THRB: variants seen among roughly 807,000 people sequenced by gnomAD.
THRB encodes nuclear receptor subfamily 1 group A member 2.
THRB carries 12 observed loss-of-function variants against 47.8 expected under a neutral mutation model. The observed-to-expected ratio is 0.25, with a 90% CI of 0.16 to 0.41. The LOEUF is 0.41. THRB is among the 10% of genes least tolerant of loss of function. The pLI, the probability that THRB is intolerant of heterozygous loss-of-function variation, is 1.00. For missense variants in THRB, 348 were observed against 589.2 expected, an observed-to-expected ratio of 0.59 and a Z score of 4.24; for synonymous variants, 218 against 212.2, an observed-to-expected ratio of 1.03 and a Z score of -0.24.
In THRB at chr3:24,272,459, A is replaced by G. The variant is rs1576450607; in HGVS notation, c.-43+24767T>C. ...ACCAAATAAAATTTCCCTATATACC[A>G]TGTTTGTTAAGTGCCTGCAGGATTT... On this transcript the variant is annotated intron_variant, in intron 3 of 10. Coordinates refer to ENST00000646209, the MANE Select transcript of THRB (RefSeq NM_001354712.2). Among the ~76,000 whole-genome samples, 3 of 152,114 alleles carry G rather than the reference A, an allele frequency of 2.0e-5. No homozygotes were observed. The South Asian group carries it at 6.2e-4, about 32-fold the overall frequency.
chr3:24,321,488 C>A (rs1400726510), intron 2 of THRB, among the ~76,000 whole-genome samples: 1 of 151,764 alleles, frequency 6.6e-6, no homozygotes, highest in Non-Finnish European at 1.5e-5. Flanking sequence ...TTATGTAAAT[C>A]CAAAAGGTCA....
intron 6 of THRB, among the ~76,000 whole-genome samples, chr3:24,151,373 T>C (rs2036912907): frequency 6.6e-6 from 1 of 152,082 alleles, no homozygotes; most frequent in Admixed American, 6.6e-5. Context: ...AGCGGGGCAG[T>C]TGGAGAAGCG....
At chr3:24,419,926 G>A (rs1421739472) in intron 1 of THRB, among the ~76,000 whole-genome samples, 1 of 151,744 alleles carries the variant, frequency 6.6e-6, no homozygotes, top group Admixed American at 6.6e-5. Context: ...CAGTCTGGAG[G>A]GGTTAAAAGA....
At chr3:24,361,952 AAG>A (rs1560020796) in intron 1 of THRB, among the ~76,000 whole-genome samples, 1 of 152,150 alleles carries the variant, frequency 6.6e-6, no homozygotes, top group African/African-American at 2.4e-5. Context: ...GCAAGAATAA[AAG>A]AGAGTCAGTA....
At chr3:24,376,274 G>C (rs2065278804) in intron 1 of THRB, among the ~76,000 whole-genome samples, 1 of 152,204 alleles carries the variant, frequency 6.6e-6, no homozygotes, top group Non-Finnish European at 1.5e-5. Context: ...AGACACAGGA[G>C]ATAAGCTTTA....
At chr3:24,301,702 G>C (rs1337841505) in intron 2 of THRB, among the ~76,000 whole-genome samples, 1 of 152,132 alleles carries the variant, frequency 6.6e-6, no homozygotes, top group Non-Finnish European at 1.5e-5. Flanking sequence ...TCCCCAAAAA[G>C]TCCATGACTT....
chr3:24,157,626 C>A (rs2038064073), intron 5 of THRB, among the ~76,000 whole-genome samples: 1 of 152,042 alleles, frequency 6.6e-6, no homozygotes, highest in African/African-American at 2.4e-5. Context: ...AACTCCTGGG[C>A]CCAAGCAGTC....
chr3:24,476,810 T>TAAA (rs1695518516), intron 1 of THRB, among the ~76,000 whole-genome samples: 5 of 152,132 alleles, frequency 3.3e-5, no homozygotes, highest in Admixed American at 6.5e-5. Context: ...AAATTAAAAT[T>TAAA]CTTATTGTTA....
At chr3:24,452,700 T>C (rs1377698473) in intron 1 of THRB, among the ~76,000 whole-genome samples, 1 of 152,064 alleles carries the variant, frequency 6.6e-6, no homozygotes, top group African/African-American at 2.4e-5. Context: ...AACCCACCTG[T>C]AACTATTTAT....
At chr3:24,333,973 C>G (rs1378086125) in intron 2 of THRB, among the ~76,000 whole-genome samples, 1 of 152,208 alleles carries the variant, frequency 6.6e-6, no homozygotes, top group African/African-American at 2.4e-5. Context: ...ATCCCAGTCC[C>G]ATTTCGCTCA....
intron 4 of THRB, among the ~76,000 whole-genome samples, chr3:24,218,267 CA>C (rs538654913): frequency 1.7e-5 from 2 of 120,430 alleles, no homozygotes; most frequent in South Asian, 2.8e-4. Flanking sequence ...GACTCTGTCT[CA>C]AAAAAAAACA....
intron 10 of THRB, among the ~76,000 whole-genome samples, chr3:24,124,728 A>G (rs1431674826): frequency 6.6e-6 from 1 of 152,212 alleles, no homozygotes; most frequent in Non-Finnish European, 1.5e-5. Flanking sequence ...GGCTCTTGGA[A>G]AAGTCTTTGA....
At chr3:24,274,361 T>C (rs2053678403) in intron 3 of THRB, among the ~76,000 whole-genome samples, 1 of 152,154 alleles carries the variant, frequency 6.6e-6, no homozygotes, top group Non-Finnish European at 1.5e-5. Context: ...AAATAAGCAA[T>C]TAGGGTTACC....
intron 4 of THRB, among the ~76,000 whole-genome samples, chr3:24,208,399 T>C (rs2045638857): frequency 1.3e-5 from 2 of 152,212 alleles, no homozygotes; most frequent in African/African-American, 4.8e-5. Context: ...AAGACAATCC[T>C]AAGCCAAAAG....
intron 1 of THRB, among the ~76,000 whole-genome samples, chr3:24,427,287 T>C (rs1470443249): frequency 1.3e-5 from 2 of 151,982 alleles, no homozygotes; most frequent in African/African-American, 4.8e-5. Context: ...CACAATCTGG[T>C]TCTAAGCAAA....
intron 1 of THRB, chr3:24,483,836 A>G (rs1696844170): frequency 6.6e-6 from 1 of 152,288 alleles, no homozygotes; most frequent in Admixed American, 6.5e-5. Context: ...GTACAGACAC[A>G]TTGCTGAAAA....
At chr3:24,304,625 T>C (rs185818018) in intron 2 of THRB, among the ~76,000 whole-genome samples, 21 of 152,106 alleles carry the variant, frequency 1.4e-4, no homozygotes, top group African/African-American at 5.1e-4. Flanking sequence ...GTAAGTTTCA[T>C]GAAGAACAAA....
Position 24,146,839 on chromosome 3 carries a change from G to T in THRB, c.385-17C>A, listed in dbSNP as rs777843536. Reference sequence around the variant, plus strand: ...AAAGAAACCCTATATGAAAAACAAAGACCCAAGACAACAGTTTCATATTTT... The same window carrying T: ...AAAGAAACCCTATATGAAAAACAAATACCCAAGACAACAGTTTCATATTTT... On this transcript the variant is annotated splice_polypyrimidine_tract_variant and intron_variant, in intron 6 of 10. Coordinates refer to ENST00000646209, the MANE Select transcript of THRB (RefSeq NM_001354712.2). 4 of 1,612,082 alleles carry T rather than the reference G, an allele frequency of 2.5e-6. No homozygotes were observed. The highest frequency in any genetic ancestry group is 3.4e-6 in the Non-Finnish European group (4 of 1,178,350).
At chr3:24,269,399 GCGCGCACA>G (rs1198315323) in intron 3 of THRB, among the ~76,000 whole-genome samples, 3,377 of 89,618 alleles carry the variant, frequency 0.038, 48 homozygotes, top group South Asian at 0.043. Flanking sequence ...GCGCGCGCGC[GCGCGCACA>G]CACACACACA....
Sources: gnomAD v4.1 joint callset for allele counts (sites outside exome capture counted in the v4.1 genomes callset) on GRCh38, gnomAD v4.1.1 for gene constraint, MANE v1.5 for transcripts, NCBI Gene and HGNC (gene_info 2026-07-23, HGNC 2026-07-21) for gene names.